Variants in PTPRD observed in about 807,000 individuals in gnomAD.
The protein encoded by PTPRD is receptor-type tyrosine-protein phosphatase delta.
A neutral mutation model predicts 214.5 loss-of-function variants in PTPRD; 34 were observed. The observed-to-expected ratio is 0.16, with a 90% CI of 0.12 to 0.21. The LOEUF is 0.21. Ranked by LOEUF, PTPRD falls within the 10% of genes least tolerant of loss-of-function variation. PTPRD has a pLI of 1.00. For missense variants in PTPRD, 2,545 were observed against 2,398.7 expected (o/e 1.06, Z -1.27); for synonymous variants, 1,128 against 845.7 (o/e 1.33, Z -5.79).
chr9:9,015,034 A>G (rs2099528712), intron 11 of PTPRD, among the ~76,000 whole-genome samples: 1 of 152,202 alleles, frequency 6.6e-6, no homozygotes, highest in South Asian at 2.1e-4. Context: ...ATTTAAAAAA[A>G]TGTTTTAACT....
At chr9:9,598,466 AAC>A (rs1478072324) in intron 7 of PTPRD, among the ~76,000 whole-genome samples, 5 of 152,132 alleles carry the variant, frequency 3.3e-5, no homozygotes, top group Non-Finnish European at 5.9e-5. Context: ...TTGTTAAAAA[AAC>A]AGTTACTTTT....
chr9:8,373,917 C>T (rs4008199), intron 39 of PTPRD, among the ~76,000 whole-genome samples: 2,646 of 95,528 alleles, frequency 0.028, 62 homozygotes, highest in Admixed American at 0.08. Flanking sequence ...TATCTATCTA[C>T]CTACCTACCT....
chr9:10,000,369 T>G (rs926058307), intron 4 of PTPRD, among the ~76,000 whole-genome samples: 3 of 152,100 alleles, frequency 2.0e-5, no homozygotes. Flanking sequence ...ATTTATCTCT[T>G]TTCACCTAGA....
At chr9:9,437,358 T>C (rs188741217) in intron 8 of PTPRD, among the ~76,000 whole-genome samples, 24 of 152,322 alleles carry the variant, frequency 1.6e-4, no homozygotes, top group Admixed American at 1.3e-3. Context: ...ATATAACTTA[T>C]AATTTTTGAT....
At chr9:8,726,275 C>T (rs1418006880) in intron 12 of PTPRD, among the ~76,000 whole-genome samples, 2 of 151,644 alleles carry the variant, frequency 1.3e-5, no homozygotes, top group African/African-American at 4.8e-5. Context: ...GGCTCCCAAC[C>T]AAGTCAAGGT....
chr9:8,803,052 A>G (rs1319804196), intron 11 of PTPRD, among the ~76,000 whole-genome samples: 1 of 152,130 alleles, frequency 6.6e-6, no homozygotes, highest in African/African-American at 2.4e-5. Context: ...GCAAGACCTC[A>G]GCTCTGAAAT....
At chr9:8,340,512 G>A (rs1262934801) in intron 41 of PTPRD, 43 bp from the exon 42 acceptor site, 3 of 1,496,010 alleles carry the variant, frequency 2.0e-6, no homozygotes, top group African/African-American at 1.4e-5. Context: ...AGTATTTAGA[G>A]AACATGCAAA....
At chr9:10,247,226 T>C (rs564086825) in intron 3 of PTPRD, among the ~76,000 whole-genome samples, 1 of 152,270 alleles carries the variant, frequency 6.6e-6, no homozygotes, top group African/African-American at 2.4e-5. Flanking sequence ...GTATCTCAAA[T>C]TCCCATGCCT....
At chr9:9,607,274 T>C (rs2094223543) in intron 7 of PTPRD, among the ~76,000 whole-genome samples, 3 of 152,142 alleles carry the variant, frequency 2.0e-5, no homozygotes, top group African/African-American at 7.2e-5. Context: ...TTACTGGCCA[T>C]TTCTGTTTTT....
chr9:10,355,770 G>A (rs562799500), intron 2 of PTPRD, among the ~76,000 whole-genome samples: 3 of 152,102 alleles, frequency 2.0e-5, no homozygotes, highest in Non-Finnish European at 4.4e-5. Flanking sequence ...GAGCCACCGC[G>A]GCCGGCCGCT....
At position 10,178,256 on chromosome 9, in the gene PTPRD, CACTT is replaced by C. The variant is rs1466914868; in HGVS notation, c.-544-144470_-544-144467del. Among the ~76,000 whole-genome samples, 5 of 151,940 alleles carry C rather than the reference CACTT, an allele frequency of 3.3e-5. No homozygotes were observed. The South Asian group carries it at 1.0e-3, about 32-fold the overall frequency. On this transcript the variant is annotated intron_variant, in intron 3 of 45. Coordinates refer to ENST00000381196, the MANE Select transcript of PTPRD (RefSeq NM_002839.4). Reference sequence around the variant, plus strand: ...AGAGTTTTCCCTAAGTTTCCATACTCACTTAGAGGTATAAAATCTAGGGCCCGGG... The same window carrying C: ...AGAGTTTTCCCTAAGTTTCCATACTCAGAGGTATAAAATCTAGGGCCCGGG...
intron 5 of PTPRD, among the ~76,000 whole-genome samples, chr9:9,775,592 C>T (rs1209770603): frequency 6.6e-6 from 1 of 152,190 alleles, no homozygotes; most frequent in Non-Finnish European, 1.5e-5. Context: ...GATCTCCCCA[C>T]CTTCAATTTT....
intron 11 of PTPRD, among the ~76,000 whole-genome samples, chr9:8,735,669 G>A (rs1376242763): frequency 6.6e-6 from 1 of 152,010 alleles, no homozygotes; most frequent in Non-Finnish European, 1.5e-5. Flanking sequence ...CACCACTTTC[G>A]GAAGCCGAGG....
intron 10 of PTPRD, among the ~76,000 whole-genome samples, chr9:9,104,300 T>A (rs2099795449): frequency 6.6e-6 from 1 of 151,476 alleles, no homozygotes; most frequent in Admixed American, 6.6e-5. Context: ...TCATGTATCA[T>A]TCTTTTGAAT....
At chr9:10,241,268 G>T (rs547254424) in intron 3 of PTPRD, among the ~76,000 whole-genome samples, 1 of 151,936 alleles carries the variant, frequency 6.6e-6, no homozygotes, top group African/African-American at 2.4e-5. Context: ...AAATGGTGCA[G>T]AAATTTTGTA....
chr9:8,945,723 G>A (rs949190230), intron 11 of PTPRD, among the ~76,000 whole-genome samples: 8 of 151,986 alleles, frequency 5.3e-5, no homozygotes, highest in Non-Finnish European at 1.0e-4. Context: ...ATCTACACTA[G>A]CATCTATACA....
intron 9 of PTPRD, among the ~76,000 whole-genome samples, chr9:9,396,658 G>C (rs1026383484): frequency 6.6e-6 from 1 of 151,854 alleles, no homozygotes; most frequent in African/African-American, 2.4e-5. Context: ...TCTGAGGGAA[G>C]GGGGAGGATG....
intron 11 of PTPRD, among the ~76,000 whole-genome samples, chr9:8,924,043 A>C (rs968347194): frequency 1.3e-5 from 2 of 152,198 alleles, no homozygotes; most frequent in African/African-American, 4.8e-5. Flanking sequence ...CATTTTCTAA[A>C]TTTAGAATGA....
intron 5 of PTPRD, among the ~76,000 whole-genome samples, chr9:9,911,159 C>T (rs528487350): frequency 6.6e-6 from 1 of 152,090 alleles, no homozygotes; most frequent in Admixed American, 6.6e-5. Flanking sequence ...ACAAGGCTTT[C>T]ACATTTCTAG....
Sources: allele counts gnomAD v4.1 joint callset (sites outside exome capture counted in the v4.1 genomes callset), GRCh38; gene constraint gnomAD v4.1.1; transcripts MANE v1.5; gene names NCBI Gene and HGNC (gene_info 2026-07-23, HGNC 2026-07-21).